CNNM1: variants seen among roughly 807,000 people sequenced by gnomAD.
The protein encoded by CNNM1 is cyclin and CBS domain divalent metal cation transport mediator 1, also known as metal transporter CNNM1.
In CNNM1, 44 loss-of-function variants were observed where a neutral mutation model predicts 78.8. That is an observed-to-expected ratio of 0.56 (90% CI 0.44 to 0.72). The LOEUF (loss-of-function observed/expected upper bound fraction) is 0.72. Ranked by LOEUF, CNNM1 falls within the 30% of genes least tolerant of loss-of-function variation. The pLI, the probability that CNNM1 is intolerant of heterozygous loss-of-function variation, is 0.00. For missense variants in CNNM1, 1,101 were observed against 1,292.2 expected, an observed-to-expected ratio of 0.85 and a Z score of 2.27; for synonymous variants, 584 against 581.5, an observed-to-expected ratio of 1.00 and a Z score of -0.06.
chr10:99,358,595 T>G (rs1023365514), intron 2 of CNNM1, among the ~76,000 whole-genome samples: 2 of 152,160 alleles, frequency 1.3e-5, no homozygotes, highest in Non-Finnish European at 2.9e-5. Flanking sequence ...AGTGCCTTCC[T>G]TTTAGACAAA....
intron 7 of CNNM1, among the ~76,000 whole-genome samples, chr10:99,379,680 T>C (rs1275214768): frequency 6.7e-6 from 1 of 149,894 alleles, no homozygotes; most frequent in East Asian, 2.0e-4. Flanking sequence ...ATTCTCACTA[T>C]GTTTCCCAGA....
intron 1 of CNNM1, 23 bp from the exon 2 acceptor site, chr10:99,357,489 C>T (rs1448466527): frequency 6.2e-7 from 1 of 1,603,614 alleles, no homozygotes; most frequent in African/African-American, 1.3e-5. Context: ...CGATACTTAA[C>T]TGTGATTTCA....
At position 99,331,023 on chromosome 10, in the gene CNNM1, ACCACG is replaced by A. The variant is rs377235595; in HGVS notation, c.1573+64_1573+68del. 1.6e-5 allele frequency: 24 copies of A among 1,481,718 alleles called. 1 individual carries two copies. The highest frequency in any genetic ancestry group is 3.6e-4 in the Middle Eastern group (2 of 5,568). 91.8% of individuals were successfully genotyped at this position (1,481,718 alleles called of 1,614,324 possible). A position where few individuals can be genotyped will look rare whatever the true frequency, so the allele number is the denominator to read the frequency against. On this transcript the variant is annotated intron_variant, in intron 1 of 10. Transcript: ENST00000356713. ...CCTTCAAAGGTATTATCCTTTCCTA[ACCACG>A]TGAGGCTCTAGGTACCCAAAGCAAT... is the stretch of plus-strand genomic sequence containing the variant.
intron 1 of CNNM1, among the ~76,000 whole-genome samples, chr10:99,349,456 G>C (rs2030847782): frequency 6.6e-6 from 1 of 152,130 alleles, no homozygotes; most frequent in Non-Finnish European, 1.5e-5. Context: ...TCATAAGGGT[G>C]GGAAGAGAAG....
chr10:99,365,241 T>A, intron 6 of CNNM1: 2 of 611,598 alleles, frequency 3.3e-6, no homozygotes, highest in Admixed American at 5.2e-5. Context: ...GTTGGGGGGA[T>A]GCAGGGGTTG....
chr10:99,374,487 AT>A (rs1311966708), intron 6 of CNNM1, among the ~76,000 whole-genome samples: 1 of 152,126 alleles, frequency 6.6e-6, no homozygotes, highest in Admixed American at 6.5e-5. Context: ...ATCCAGCCAC[AT>A]TTCTGGAGTG....
At chr10:99,370,468 G>A (rs1047745395) in intron 6 of CNNM1, among the ~76,000 whole-genome samples, 8 of 152,168 alleles carry the variant, frequency 5.3e-5, no homozygotes, top group African/African-American at 1.7e-4. Context: ...GCTAATCACT[G>A]TGCCTTCCCA....
At chr10:99,351,767 G>A (rs1057276805) in intron 1 of CNNM1, among the ~76,000 whole-genome samples, 2 of 152,076 alleles carry the variant, frequency 1.3e-5, no homozygotes, top group Non-Finnish European at 2.9e-5. Context: ...ACATCCTAGA[G>A]CACAAAATGA....
At chr10:99,345,195 C>A (rs1198099229) in intron 1 of CNNM1, among the ~76,000 whole-genome samples, 1 of 152,090 alleles carries the variant, frequency 6.6e-6, no homozygotes. Flanking sequence ...ATTATGAAGA[C>A]CAGAGGTAAC....
At chr10:99,358,526 GAAACTGGCTCCTGGTAGA>G (rs1354375579) in intron 2 of CNNM1, among the ~76,000 whole-genome samples, 2 of 152,154 alleles carry the variant, frequency 1.3e-5, no homozygotes, top group African/African-American at 2.4e-5. Context: ...CGGCCTTTCA[GAAACTGGCTCCTGGTAGA>G]AAGAGCTTTG....
At chr10:99,347,364 C>CA (rs987985746) in intron 1 of CNNM1, among the ~76,000 whole-genome samples, 1 of 151,400 alleles carries the variant, frequency 6.6e-6, no homozygotes, top group Non-Finnish European at 1.5e-5. Context: ...ACTAAAAATA[C>CA]AAAAAAATTA....
intron 1 of CNNM1, among the ~76,000 whole-genome samples, chr10:99,343,408 A>T (rs1157344485): frequency 1.3e-5 from 2 of 152,268 alleles, no homozygotes; most frequent in African/African-American, 4.8e-5. Flanking sequence ...TATCACAGCC[A>T]TATAAACAAA....
intron 1 of CNNM1, among the ~76,000 whole-genome samples, chr10:99,356,871 T>C (rs1430313791): frequency 6.6e-6 from 1 of 152,236 alleles, no homozygotes; most frequent in Non-Finnish European, 1.5e-5. Context: ...ACAATGTTCT[T>C]GCAGCAAAAG....
At chr10:99,374,771 C>T (rs1275678260) in intron 6 of CNNM1, among the ~76,000 whole-genome samples, 1 of 152,190 alleles carries the variant, frequency 6.6e-6, no homozygotes, top group Non-Finnish European at 1.5e-5. Context: ...TTCTCTAGGC[C>T]AGGCACTGTG....
chr10:99,378,120 C>T (rs759401596), intron 7 of CNNM1, among the ~76,000 whole-genome samples: 2 of 152,046 alleles, frequency 1.3e-5, no homozygotes, highest in African/African-American at 2.4e-5. Flanking sequence ...CGTGCCACCA[C>T]GTCCAGCTAA....
intron 2 of CNNM1, among the ~76,000 whole-genome samples, chr10:99,359,004 CAAAAAAAAAAAAAAAA>C (rs769541046): frequency 9.7e-5 from 5 of 51,516 alleles, no homozygotes; most frequent in South Asian, 1.1e-3. Flanking sequence ...AAGACTGTCT[CAAAAAAAAAAAAAAAA>C]AAAAAAAAAA....
At chr10:99,356,562 C>CAGAAAGAAAGAAAAGAAA (rs55778106) in intron 1 of CNNM1, among the ~76,000 whole-genome samples, 3 of 98,444 alleles carry the variant, frequency 3.0e-5, no homozygotes, top group Admixed American at 1.1e-4. Context: ...GACAGACAGA[C>CAGAAAGAAAGAAAAGAAA]AGAAAGAAAG....
chr10:99,349,950 G>A (rs117548767), intron 1 of CNNM1, among the ~76,000 whole-genome samples: 3,770 of 152,200 alleles, frequency 0.025, 72 homozygotes, highest in East Asian at 0.088. Flanking sequence ...AGTGAGCCAG[G>A]ATCACACCAT....
At position 99,360,881 on chromosome 10, in the gene CNNM1, G is replaced by T; in HGVS notation, c.1764G>T (p.Arg588=). The T allele has an allele frequency of 3.7e-6, 6 of 1,612,828 alleles. No homozygotes were observed. The highest frequency in any genetic ancestry group is 5.1e-6 in the Non-Finnish European group (6 of 1,178,936). ...GGGTCCCGCAACGGGAGCGGAAGCG[G>T]CATGACTTCTCCTTGTTTAAGCTTT... ...KQRVPQRERK[R]HDFSLFKLSD... is the part of the protein sequence containing the mutation. Residue 588 remains arginine, a synonymous_variant, in exon 3 of 11, where the codon CGG becomes CGT. Coordinates refer to ENST00000356713, the MANE Select transcript of CNNM1 (RefSeq NM_020348.3).
Sources: gnomAD v4.1 joint callset for allele counts (sites outside exome capture counted in the v4.1 genomes callset) on GRCh38, gnomAD v4.1.1 for gene constraint, MANE v1.5 for transcripts, NCBI Gene and HGNC (gene_info 2026-07-23, HGNC 2026-07-21) for gene names.